The following LMBR1 variants were observed in gnomAD, a reference collection of about 807,000 sequenced individuals.
The protein encoded by LMBR1 is limb region 1 protein homolog.
LMBR1 carries 52 observed loss-of-function variants against 73.9 expected under a neutral mutation model. The ratio of observed to expected loss-of-function variants is 0.70; its 90% confidence interval spans 0.56 to 0.89. The LOEUF (loss-of-function observed/expected upper bound fraction) is 0.89, where lower values mean the gene tolerates loss of function less well. Among genes scored for constraint, LMBR1 ranks in the 40% least tolerant of loss-of-function variants. The probability of loss-of-function intolerance (pLI) is 0.00; values close to 1 mark genes in which losing one functional copy is unlikely to be tolerated. For missense variants in LMBR1, 539 were observed against 579.8 expected (o/e 0.93, Z 0.72); for synonymous variants, 215 against 209.4 (o/e 1.03, Z -0.23).
intron 4 of LMBR1, among the ~76,000 whole-genome samples, chr7:156,806,839 T>C (rs973923838): frequency 6.6e-6 from 1 of 152,108 alleles, no homozygotes; most frequent in African/African-American, 2.4e-5. Context: ...CTCGAACTCC[T>C]GACCTCAGGT....
intron 9 of LMBR1, among the ~76,000 whole-genome samples, chr7:156,744,922 C>T (rs942056113): frequency 2.6e-5 from 4 of 152,110 alleles, no homozygotes; most frequent in African/African-American, 9.7e-5. Flanking sequence ...TGAGTCACTC[C>T]GACCTCTTCT....
intron 1 of LMBR1, among the ~76,000 whole-genome samples, chr7:156,887,463 C>CAAAAAAAA (rs60786872): frequency 3.8e-5 from 2 of 52,676 alleles, no homozygotes; most frequent in African/African-American, 7.2e-5. Flanking sequence ...GACTCCATCT[C>CAAAAAAAA]AAAAAAAAAA....
chr7:156,817,442 T>C (rs1265778393), intron 4 of LMBR1, among the ~76,000 whole-genome samples: 1 of 152,060 alleles, frequency 6.6e-6, no homozygotes, highest in Non-Finnish European at 1.5e-5. Flanking sequence ...TTTCAAGTAG[T>C]GTGAGGACTT....
chr7:156,779,674 T>C (rs1312610186), intron 5 of LMBR1: 8 of 1,284,388 alleles, frequency 6.2e-6, no homozygotes, highest in Middle Eastern at 2.1e-4. Context: ...ATGGAGAAGC[T>C]GTCATGTTTC....
intron 4 of LMBR1, among the ~76,000 whole-genome samples, chr7:156,808,468 G>C (rs1832532157): frequency 6.6e-6 from 1 of 152,024 alleles, no homozygotes; most frequent in African/African-American, 2.4e-5. Flanking sequence ...ACCTAGTTTT[G>C]TCTTTACAGT....
rs1343950098 is a variant in LMBR1 at position 156,680,403 on chromosome 7, A to AGAGAGAGTGTGTGTGT, written c.*3674_*3675insACACACACACTCTCTC. The AGAGAGAGTGTGTGTGT allele has an allele frequency of 8.0e-6, 1 of 125,068 alleles. No individual in the cohort carries two copies. Among genetic ancestry groups the AGAGAGAGTGTGTGTGT allele is most frequent in the Non-Finnish European group, 1.7e-5 (1 of 58,240 alleles). 7.7% of individuals were successfully genotyped at this position (125,068 alleles called of 1,614,324 possible). A position where few individuals can be genotyped will look rare whatever the true frequency, so the allele number is the denominator to read the frequency against. On this transcript the variant is annotated 3_prime_UTR_variant, in exon 17 of 17. Transcript: ENST00000353442. ...GAGAGAGAGAGAGAGAGAGAGAGAG[A>AGAGAGAGTGTGTGTGT]GTGTGTGTGTGTGTGTGTGTGTAAT...
At chr7:156,676,355 T>C, downstream of LMBR1, 1 of 1,613,634 alleles carries the variant, frequency 6.2e-7, no homozygotes, top group Non-Finnish European at 8.5e-7. Flanking sequence ...GCATTTCAGT[T>C]TAAGTAACTT....
Position 156,893,135 on chromosome 7 carries a change from C to A in LMBR1, c.-142G>T, listed in dbSNP as rs1803485592. On this transcript the variant is annotated 5_prime_UTR_variant, in exon 1 of 17. Transcript: ENST00000353442. ...AGCCGTGTTGGAACAGGTACCGCGA[C>A]CACGACACCGGCCGTCGCCTCAGCA... is the stretch of plus-strand genomic sequence containing the variant. The A allele has an allele frequency of 1.3e-6, 1 of 749,186 alleles. No homozygotes were observed. The highest frequency in any genetic ancestry group is 1.9e-5 in the African/African-American group (1 of 53,936). 46.4% of individuals were successfully genotyped at this position (749,186 alleles called of 1,614,324 possible).
chr7:156,835,003 G>A (rs536702911), intron 2 of LMBR1, among the ~76,000 whole-genome samples: 51 of 151,806 alleles, frequency 3.4e-4, no homozygotes, highest in African/African-American at 8.7e-4. Context: ...AGCCAGGTGC[G>A]GTGGCGGGCG....
At chr7:156,859,248 C>CA (rs35511512) in intron 1 of LMBR1, among the ~76,000 whole-genome samples, 85 of 134,142 alleles carry the variant, frequency 6.3e-4, no homozygotes, top group African/African-American at 1.8e-3. Context: ...AACTCCGTCT[C>CA]AAAAAAAAAA....
chr7:156,779,531 TG>T lies in LMBR1; in HGVS notation c.424-15737del, dbSNP rs1450471562. 30 of 257,462 alleles carry T rather than the reference TG, an allele frequency of 1.2e-4. No individual in the cohort carries two copies. Among genetic ancestry groups the T allele is most frequent in the Non-Finnish European group, 2.2e-4 (29 of 129,546 alleles). The allele number at this position is 257,462 out of a possible 1,614,324, so 15.9% of individuals were successfully genotyped here. On this transcript the variant is annotated intron_variant, in intron 5 of 16. Coordinates refer to ENST00000353442, the MANE Select transcript of LMBR1 (RefSeq NM_022458.4). ...CACACAGATTTCTTTTAGATTTAAATGGGAACTAAATGGATAGTCTACTACA... is the reference window on the plus strand; with the variant it reads ...CACACAGATTTCTTTTAGATTTAAATGGAACTAAATGGATAGTCTACTACA...
intron 15 of LMBR1, among the ~76,000 whole-genome samples, chr7:156,702,469 G>A (rs1476145012): frequency 6.6e-6 from 1 of 151,954 alleles, no homozygotes; most frequent in African/African-American, 2.4e-5. Flanking sequence ...TTTTAATGAG[G>A]TTTGTTTTTT....
intron 15 of LMBR1, among the ~76,000 whole-genome samples, chr7:156,692,297 A>T (rs1807377675): frequency 6.6e-6 from 1 of 152,094 alleles, no homozygotes; most frequent in South Asian, 2.1e-4. Flanking sequence ...GGCTGGTCTC[A>T]AACTCCTGAC....
In LMBR1 at chr7:156,826,655, G is replaced by A; in HGVS notation, c.269C>T (p.Ser90Phe). ...CTGAATATAGTAGTTCTGAGGAAAAGAAAGCAGGATTTCATTGCTGATGAT... is the reference window on the plus strand; with the variant it reads ...CTGAATATAGTAGTTCTGAGGAAAAAAAAGCAGGATTTCATTGCTGATGAT... ...FSIISNEILL[S>F]FPQNYYIQWL... The change falls in exon 4 of 17, where the codon TCT (serine) becomes TTT (phenylalanine). Residue 90 changes from serine to phenylalanine, a missense_variant. Around this residue, in one of 3 missense-constraint regions of LMBR1, gnomAD observed 454 missense variants for 473.4 expected, o/e 0.96. Transcript: ENST00000353442. 1 of 1,603,610 alleles carries A rather than the reference G, an allele frequency of 6.2e-7. No individual in the cohort carries two copies. The highest frequency in any genetic ancestry group is 8.5e-7 in the Non-Finnish European group (1 of 1,174,202).
At chr7:156,838,851 C>A (rs2133944296) in intron 1 of LMBR1, among the ~76,000 whole-genome samples, 1 of 152,214 alleles carries the variant, frequency 6.6e-6, no homozygotes, top group East Asian at 1.9e-4. Context: ...TACAAGGGTT[C>A]CCTTCTCGCC....
chr7:156,884,791 T>C (rs1333515558), intron 1 of LMBR1, among the ~76,000 whole-genome samples: 1 of 152,254 alleles, frequency 6.6e-6, no homozygotes. Context: ...CCAAGATAAC[T>C]GCATTCTGAA....
chr7:156,729,952 G>A (rs1816533993), intron 10 of LMBR1, among the ~76,000 whole-genome samples: 2 of 152,048 alleles, frequency 1.3e-5, no homozygotes, highest in Admixed American at 1.3e-4. Flanking sequence ...AAAATTGAGG[G>A]GCCAATATTC....
intron 1 of LMBR1, among the ~76,000 whole-genome samples, chr7:156,859,040 G>A (rs1263159254): frequency 2.0e-5 from 3 of 152,082 alleles, no homozygotes; most frequent in Non-Finnish European, 4.4e-5. Context: ...GATCACCTGA[G>A]GTCAGGAGTT....
intron 15 of LMBR1, among the ~76,000 whole-genome samples, chr7:156,716,359 G>A (rs747287251): frequency 7.2e-5 from 11 of 152,190 alleles, no homozygotes; most frequent in Admixed American, 3.3e-4. Context: ...GAGGATTTAC[G>A]TGCAACAATT....
Sources: gnomAD v4.1 joint callset for allele counts (sites outside exome capture counted in the v4.1 genomes callset) on GRCh38, gnomAD v4.1.1 for gene constraint, gnomAD v4.1.1 regional missense constraint, MANE v1.5 for transcripts, NCBI Gene and HGNC (gene_info 2026-07-23, HGNC 2026-07-21) for gene names.